Variants in LMNB1 observed in about 807,000 individuals in gnomAD.
The protein encoded by LMNB1 is lamin B1, also known as lamin-B1.
A neutral mutation model predicts 67.1 loss-of-function variants in LMNB1; 23 were observed. The observed-to-expected ratio is 0.34, with a 90% CI of 0.25 to 0.49. LMNB1 has a LOEUF of 0.49. Among genes scored for constraint, LMNB1 ranks in the 20% least tolerant of loss-of-function variants. LMNB1 has a pLI of 0.99. For synonymous variants in LMNB1, 281 were observed against 282.9 expected (o/e 0.99, Z 0.07); for missense variants, 634 against 746.5 (o/e 0.85, Z 1.76).
In LMNB1 at chr5:126,794,093, C is replaced by T. The variant is rs185074665; in HGVS notation, c.360-10683C>T. The stretch of plus-strand genomic sequence containing the variant: ...GGGATTACAGGCATGAGCCACCACG[C>T]CCAGCCAACTTTTGTATTTTTGTAT... On this transcript the variant is annotated intron_variant, in intron 1 of 10. Transcript: ENST00000261366. Among the ~76,000 whole-genome samples, 73 of 152,126 alleles carry T rather than the reference C, an allele frequency of 4.8e-4. 1 individual carries two copies. Among genetic ancestry groups the T allele is most frequent in the African/African-American group, 1.7e-3 (72 of 41,534 alleles).
chr5:126,806,607 A>C (rs550392182), intron 3 of LMNB1, among the ~76,000 whole-genome samples: 1 of 152,074 alleles, frequency 6.6e-6, no homozygotes, highest in South Asian at 2.1e-4. Context: ...TGAGAAAGAG[A>C]GAGAGAGAGA....
intron 3 of LMNB1, among the ~76,000 whole-genome samples, chr5:126,807,743 T>C (rs1244129847): frequency 6.6e-6 from 1 of 152,252 alleles, no homozygotes; most frequent in African/African-American, 2.4e-5. Flanking sequence ...ACTGGTTCTA[T>C]ATAAAAAATA....
intron 1 of LMNB1, among the ~76,000 whole-genome samples, chr5:126,786,689 G>A (rs999192977): frequency 6.6e-6 from 1 of 152,146 alleles, no homozygotes; most frequent in Non-Finnish European, 1.5e-5. Flanking sequence ...GTCTCAGATA[G>A]GATAGTTGAT....
intron 9 of LMNB1, among the ~76,000 whole-genome samples, chr5:126,827,290 G>C (rs1457661890): frequency 6.6e-6 from 1 of 152,132 alleles, no homozygotes; most frequent in Non-Finnish European, 1.5e-5. Flanking sequence ...TGGCATCATG[G>C]AGCCCACATT....
At chr5:126,809,689 AAAAG>A (rs1296773731) in intron 3 of LMNB1, among the ~76,000 whole-genome samples, 1 of 143,580 alleles carries the variant, frequency 7.0e-6, no homozygotes, top group African/African-American at 2.6e-5. Context: ...TCTATCTCAG[AAAAG>A]AAAAGAAAAG....
chr5:126,815,640 ATAGT>A (rs1250616348), intron 5 of LMNB1, among the ~76,000 whole-genome samples: 1 of 152,116 alleles, frequency 6.6e-6, no homozygotes, highest in Non-Finnish European at 1.5e-5. Flanking sequence ...GATCATCTAG[ATAGT>A]TAGAGCTCTT....
At chr5:126,786,627 A>T (rs965380537) in intron 1 of LMNB1, among the ~76,000 whole-genome samples, 1 of 152,190 alleles carries the variant, frequency 6.6e-6, no homozygotes, top group Non-Finnish European at 1.5e-5. Context: ...ACTCTGGTTT[A>T]CCGACATGTA....
chr5:126,788,617 C>T (rs1239953238), intron 1 of LMNB1, among the ~76,000 whole-genome samples: 1 of 152,136 alleles, frequency 6.6e-6, no homozygotes, highest in Non-Finnish European at 1.5e-5. Context: ...TGCGCCTCTG[C>T]ACTCCAGCCT....
rs569734482 is a variant in LMNB1, at chr5:126,828,560, ATTGG to A, written c.1611+2463_1611+2466del. 2.0e-5 allele frequency among the ~76,000 whole-genome samples: 3 copies of A among 150,078 alleles called. No homozygotes were observed. The South Asian group carries it at 6.4e-4, about 32-fold the overall frequency. The stretch of plus-strand genomic sequence containing the variant: ...GAATAGTAGATTATTTGATTGATTG[ATTGG>A]TTGGTTGGTCCATTCTTTTTTTTTT... On this transcript the variant is annotated intron_variant, in intron 9 of 10. Transcript: ENST00000261366.
At chr5:126,821,575 G>A (rs1751869127) in intron 7 of LMNB1, among the ~76,000 whole-genome samples, 2 of 152,218 alleles carry the variant, frequency 1.3e-5, no homozygotes, top group African/African-American at 2.4e-5. Flanking sequence ...ATTTTTCCCT[G>A]CAAATAAATG....
intron 1 of LMNB1, among the ~76,000 whole-genome samples, chr5:126,789,981 C>T (rs1750909136): frequency 6.6e-6 from 1 of 150,882 alleles, no homozygotes; most frequent in African/African-American, 2.4e-5. Context: ...CCTAATTTTA[C>T]ATTTTTAATA....
At chr5:126,808,882 T>TA (rs962501812) in intron 3 of LMNB1, among the ~76,000 whole-genome samples, 58 of 149,622 alleles carry the variant, frequency 3.9e-4, no homozygotes, top group Non-Finnish European at 4.5e-4. Context: ...TAATTATTAT[T>TA]TTTTTTTTTT....
intron 9 of LMNB1, among the ~76,000 whole-genome samples, chr5:126,829,866 G>A (rs920535982): frequency 4.6e-5 from 7 of 152,012 alleles, no homozygotes; most frequent in African/African-American, 1.2e-4. Flanking sequence ...TGTGTACCCA[G>A]GTAAACCTAG....
At chr5:126,827,608 T>C (rs1219699931) in intron 9 of LMNB1, among the ~76,000 whole-genome samples, 1 of 152,084 alleles carries the variant, frequency 6.6e-6, no homozygotes, top group East Asian at 1.9e-4. Context: ...GATTGCGCCA[T>C]TGCACTCCAG....
chr5:126,806,218 G>T (rs1751417667), intron 3 of LMNB1, among the ~76,000 whole-genome samples: 1 of 152,198 alleles, frequency 6.6e-6, no homozygotes, highest in African/African-American at 2.4e-5. Flanking sequence ...CTCCCAAAGT[G>T]CTGGGATTAC....
chr5:126,800,115 T>G (rs914195921), intron 1 of LMNB1, among the ~76,000 whole-genome samples: 2 of 152,226 alleles, frequency 1.3e-5, no homozygotes, highest in Non-Finnish European at 1.5e-5. Context: ...GTGGCTTGCT[T>G]CTTTCATTTT....
In LMNB1 at chr5:126,836,969, G is replaced by T; in HGVS notation, c.*705G>T. On this transcript the variant is annotated 3_prime_UTR_variant, in exon 11 of 11. Transcript: ENST00000261366. ...TGTGTTTTTTAAGATAGTGTAACTT[G>T]CTTAAATTTCTTATGTGACATTAAC... 2.5e-6 allele frequency: 1 copy of T among 398,060 alleles called. No individual in the cohort carries two copies. Among genetic ancestry groups the T allele is most frequent in the Non-Finnish European group, 4.4e-6 (1 of 225,866 alleles). The allele number at this position is 398,060 out of a possible 1,614,324, so 24.7% of individuals were successfully genotyped here.
intron 1 of LMNB1, among the ~76,000 whole-genome samples, chr5:126,789,582 T>C (rs1453685967): frequency 6.6e-6 from 1 of 152,210 alleles, no homozygotes; most frequent in Non-Finnish European, 1.5e-5. Context: ...ATACCACAGT[T>C]GAACTTGTTT....
intron 1 of LMNB1, among the ~76,000 whole-genome samples, chr5:126,802,369 T>A (rs552005614): frequency 6.6e-6 from 1 of 152,348 alleles, no homozygotes; most frequent in Admixed American, 6.5e-5. Flanking sequence ...TTTTACTTTT[T>A]TAGTTTATTT....
Sources: gnomAD v4.1 joint callset for allele counts (sites outside exome capture counted in the v4.1 genomes callset) on GRCh38, gnomAD v4.1.1 for gene constraint, MANE v1.5 for transcripts, NCBI Gene and HGNC (gene_info 2026-07-23, HGNC 2026-07-21) for gene names.